PDGFC: variants seen among roughly 807,000 people sequenced by gnomAD.
PDGFC encodes the protein platelet derived growth factor C.
In PDGFC, 12 loss-of-function variants were observed where a neutral mutation model predicts 35.5. The ratio of observed to expected loss-of-function variants is 0.34; its 90% confidence interval spans 0.22 to 0.55. The LOEUF (loss-of-function observed/expected upper bound fraction) is 0.55. Ranked by LOEUF, PDGFC falls within the 20% of genes least tolerant of loss-of-function variation. PDGFC has a pLI of 0.91. For synonymous variants in PDGFC, 159 were observed against 148.8 expected (o/e 1.07, Z -0.50); for missense variants, 322 against 412.4 (o/e 0.78, Z 1.90).
At chr4:156,807,015 T>C (rs1405056323) in intron 3 of PDGFC, among the ~76,000 whole-genome samples, 1 of 150,722 alleles carries the variant, frequency 6.6e-6, no homozygotes, top group Non-Finnish European at 1.5e-5. Context: ...ATCTACCAGG[T>C]CTTTTTTTTT....
intron 1 of PDGFC, among the ~76,000 whole-genome samples, 179 bp from the exon 2 acceptor site, chr4:156,850,595 G>A (rs1729430381): frequency 6.6e-6 from 1 of 151,890 alleles, no homozygotes; most frequent in Non-Finnish European, 1.5e-5. Flanking sequence ...TATCATTATT[G>A]AATAAAAACC....
Position 156,762,701 on chromosome 4 carries a change from C to T in PDGFC, c.*389G>A, listed in dbSNP as rs910912553. The T allele has an allele frequency of 3.2e-5, 5 of 155,690 alleles. No homozygotes were observed. Among genetic ancestry groups the T allele is most frequent in the Non-Finnish European group, 5.6e-5 (4 of 71,058 alleles). The allele number at this position is 155,690 out of a possible 1,614,324, so 9.6% of individuals were successfully genotyped here. On this transcript the variant is annotated 3_prime_UTR_variant, in exon 6 of 6. Transcript: ENST00000502773. ...GGAGCTTTAGAGTTAAGCAAGGCAA[C>T]GGAATCAGGTGCTCACTTGCACAGT... is the stretch of plus-strand genomic sequence containing the variant.
chr4:156,806,699 T>C (rs1169471702), intron 3 of PDGFC, among the ~76,000 whole-genome samples: 2 of 152,106 alleles, frequency 1.3e-5, no homozygotes, highest in Non-Finnish European at 2.9e-5. Flanking sequence ...GCAGTACTTT[T>C]TACTTTTAGA....
chr4:156,822,843 C>T (rs1293479976), intron 2 of PDGFC, among the ~76,000 whole-genome samples: 1 of 151,986 alleles, frequency 6.6e-6, no homozygotes, highest in Non-Finnish European at 1.5e-5. Flanking sequence ...CTCACTGCAA[C>T]CTTGCAACCT....
chr4:156,895,433 GA>G (rs1253236893), intron 1 of PDGFC, among the ~76,000 whole-genome samples: 1 of 152,106 alleles, frequency 6.6e-6, no homozygotes, highest in East Asian at 1.9e-4. Flanking sequence ...AGGAGTTCAA[GA>G]TCAGCCTGGC....
At chr4:156,861,501 T>C in intron 1 of PDGFC, 2 of 1,170,346 alleles carry the variant, frequency 1.7e-6, no homozygotes, top group East Asian at 5.7e-5. Flanking sequence ...TGCCAGTAGA[T>C]GGAGATAGTA....
chr4:156,867,302 T>C (rs532768730), intron 1 of PDGFC, among the ~76,000 whole-genome samples: 73 of 152,292 alleles, frequency 4.8e-4, no homozygotes, highest in African/African-American at 1.6e-3. Flanking sequence ...GCCTGCTGCA[T>C]TGAAGCCCCG....
At chr4:156,967,867 G>A (rs1391940732) in intron 1 of PDGFC, 1 of 152,166 alleles carries the variant, frequency 6.6e-6, no homozygotes, top group East Asian at 1.9e-4. Flanking sequence ...AGTTAAATCT[G>A]AAGACTCTTG....
intron 1 of PDGFC, among the ~76,000 whole-genome samples, chr4:156,948,841 A>G (rs1205748193): frequency 6.6e-6 from 1 of 151,964 alleles, no homozygotes; most frequent in Non-Finnish European, 1.5e-5. Context: ...ACTTAACATT[A>G]GAGTGTGAGC....
At chr4:156,861,507 T>C (rs922542538) in intron 1 of PDGFC, 3 of 1,132,438 alleles carry the variant, frequency 2.6e-6, no homozygotes, top group South Asian at 1.3e-5. Context: ...TAGATGGAGA[T>C]AGTAAAATTG....
intron 3 of PDGFC, among the ~76,000 whole-genome samples, chr4:156,802,551 C>CACAT (rs1010027218): frequency 8.2e-6 from 1 of 122,666 alleles, no homozygotes; most frequent in Non-Finnish European, 1.6e-5. Context: ...AACATACACA[C>CACAT]ACATACACAC....
intron 1 of PDGFC, among the ~76,000 whole-genome samples, chr4:156,892,398 C>T (rs1443684667): frequency 1.3e-5 from 2 of 152,166 alleles, no homozygotes; most frequent in Admixed American, 1.3e-4. Context: ...TCCCCAGAAA[C>T]ATTCTTAGTT....
intron 1 of PDGFC, among the ~76,000 whole-genome samples, chr4:156,864,681 G>A (rs1472675366): frequency 6.6e-6 from 1 of 152,098 alleles, no homozygotes; most frequent in Non-Finnish European, 1.5e-5. Flanking sequence ...GTACAATATA[G>A]TAGCACCATT....
At chr4:156,821,657 G>A (rs911078304) in intron 2 of PDGFC, among the ~76,000 whole-genome samples, 8 of 152,044 alleles carry the variant, frequency 5.3e-5, no homozygotes, top group African/African-American at 4.8e-5. Context: ...AAGCGATTCC[G>A]GTTCCTCAGC....
At chr4:156,767,680 C>CT in intron 5 of PDGFC, 93 bp downstream of exon 5, 2 of 789,760 alleles carry the variant, frequency 2.5e-6, no homozygotes, top group Non-Finnish European at 4.2e-6. Flanking sequence ...AATACTACGT[C>CT]TTTTTTCCAA....
intron 2 of PDGFC, among the ~76,000 whole-genome samples, chr4:156,842,795 C>T (rs1228397490): frequency 8.5e-5 from 13 of 152,148 alleles, no homozygotes; most frequent in Admixed American, 7.9e-4. Flanking sequence ...CTGTAACCCA[C>T]CTGTTATTTT....
intron 3 of PDGFC, among the ~76,000 whole-genome samples, chr4:156,804,860 G>C (rs561273260): frequency 1.3e-5 from 2 of 152,072 alleles, no homozygotes; most frequent in African/African-American, 4.8e-5. Context: ...TGTGGCTTTA[G>C]CTATAAAATA....
chr4:156,949,662 C>A (rs767916253), intron 1 of PDGFC, among the ~76,000 whole-genome samples: 21 of 151,898 alleles, frequency 1.4e-4, no homozygotes, highest in Middle Eastern at 3.4e-3. Context: ...TTCTTCCTAG[C>A]CAAGAAATTT....
At chr4:156,949,204 T>A (rs563436798) in intron 1 of PDGFC, among the ~76,000 whole-genome samples, 1 of 152,086 alleles carries the variant, frequency 6.6e-6, no homozygotes, top group South Asian at 2.1e-4. Flanking sequence ...ATTATTCTTT[T>A]AAATACTCAA....
Sources: gnomAD v4.1 joint callset for allele counts (sites outside exome capture counted in the v4.1 genomes callset) on GRCh38, gnomAD v4.1.1 for gene constraint, MANE v1.5 for transcripts, NCBI Gene and HGNC (gene_info 2026-07-23, HGNC 2026-07-21) for gene names.